ARHGAP10: variants seen among roughly 807,000 people sequenced by gnomAD.
ARHGAP10 encodes rho GTPase-activating protein 10.
Under a neutral mutation model 108.6 loss-of-function variants are expected in ARHGAP10, and 87 were observed. That is an observed-to-expected ratio of 0.80 (90% CI 0.67 to 0.96). ARHGAP10 has a LOEUF of 0.96. ARHGAP10 is among the 40% of genes least tolerant of loss of function. The pLI is 0.00. For synonymous variants in ARHGAP10, 347 were observed against 341.1 expected, an observed-to-expected ratio of 1.02 and a Z score of -0.19; for missense variants, 939 against 954.5, an observed-to-expected ratio of 0.98 and a Z score of 0.21.
At position 147,881,244 on chromosome 4, in the gene ARHGAP10, G is replaced by T. The variant is rs529466670; in HGVS notation, c.940-594G>T. 4.6e-5 allele frequency among the ~76,000 whole-genome samples: 7 copies of T among 151,824 alleles called. No individual in the cohort carries two copies. The East Asian group carries it at 1.4e-3, about 29-fold the overall frequency. ...GCTGAGATTGCACCACTGCACTCCA[G>T]CCTGGGCAACAGAGCAAGACTGTCA... On this transcript the variant is annotated intron_variant, in intron 9 of 22. Transcript: ENST00000336498.
intron 1 of ARHGAP10, among the ~76,000 whole-genome samples, chr4:147,738,022 T>G (rs186595192): frequency 0.012 from 1,812 of 151,738 alleles, 28 homozygotes; most frequent in South Asian, 0.037. Context: ...TGTTGTTGTT[T>G]TTTTTTTTTT....
Position 147,857,649 on chromosome 4 carries a change from C to G in ARHGAP10, c.481C>G (p.Gln161Glu), listed in dbSNP as rs1221272782. ...LSAKKKDSHL[Q>E]EADIQVEQNR... is the part of the protein sequence containing the mutation. ...AGCAAAAAAGAAAGACTCACATTTA[C>G]AAGAGGTATAATTTTTTATTTTTCT... The change falls in exon 5 of 23, where the codon CAA (glutamine) becomes GAA (glutamate). Residue 161 changes from glutamine (Q) to glutamate (E), a missense_variant. Transcript: ENST00000336498. 2 of 1,472,362 alleles carry G rather than the reference C, an allele frequency of 1.4e-6. No homozygotes were observed. 91.2% of individuals were successfully genotyped at this position (1,472,362 alleles called of 1,614,324 possible).
chr4:147,801,434 T>G (rs1473671668), intron 1 of ARHGAP10, among the ~76,000 whole-genome samples: 1 of 152,192 alleles, frequency 6.6e-6, no homozygotes, highest in Non-Finnish European at 1.5e-5. Context: ...ACAAAATAAT[T>G]TATATATCAA....
At chr4:148,027,477 A>G (rs1248383946) in intron 19 of ARHGAP10, among the ~76,000 whole-genome samples, 5 of 152,224 alleles carry the variant, frequency 3.3e-5, no homozygotes, top group African/African-American at 1.2e-4. Context: ...ACAGCGTGGT[A>G]GATACCGTGA....
intron 20 of ARHGAP10, among the ~76,000 whole-genome samples, chr4:148,053,689 C>G (rs892415965): frequency 6.6e-6 from 1 of 152,146 alleles, no homozygotes; most frequent in African/African-American, 2.4e-5. Flanking sequence ...GGGGGTACAA[C>G]TTTTGTCCTG....
intron 1 of ARHGAP10, among the ~76,000 whole-genome samples, chr4:147,783,057 TTA>T (rs1170411292): frequency 7.1e-6 from 1 of 141,310 alleles, no homozygotes; most frequent in Non-Finnish European, 1.5e-5. Context: ...ATATGTTAAA[TTA>T]TATATATTAT....
intron 16 of ARHGAP10, among the ~76,000 whole-genome samples, chr4:147,962,318 A>G (rs1560847460): frequency 6.6e-6 from 1 of 152,224 alleles, no homozygotes; most frequent in African/African-American, 2.4e-5. Flanking sequence ...AAATAATAAT[A>G]GTAACACGAA....
intron 11 of ARHGAP10, among the ~76,000 whole-genome samples, chr4:147,909,060 C>T (rs903254362): frequency 1.3e-5 from 2 of 152,180 alleles, no homozygotes; most frequent in Non-Finnish European, 2.9e-5. Context: ...AAGTCTGGAC[C>T]CTCCCATACT....
intron 1 of ARHGAP10, among the ~76,000 whole-genome samples, chr4:147,754,042 T>C (rs13124167): frequency 0.074 from 11,276 of 152,262 alleles, 523 homozygotes; most frequent in Non-Finnish European, 0.11. Context: ...CAGGTTCCAG[T>C]AAACTCCTGG....
intron 1 of ARHGAP10, among the ~76,000 whole-genome samples, chr4:147,821,443 A>G (rs1349081908): frequency 2.0e-5 from 3 of 152,192 alleles, no homozygotes; most frequent in African/African-American, 7.2e-5. Flanking sequence ...AAGAAATTAA[A>G]ATCCTGTATG....
chr4:147,912,039 G>A (rs113223166), intron 12 of ARHGAP10, among the ~76,000 whole-genome samples: 6,286 of 121,316 alleles, frequency 0.052, 330 homozygotes, highest in East Asian at 0.19. Flanking sequence ...GTGTGTGTGT[G>A]TATAGTTTTC....
chr4:147,765,430 C>T (rs146247967), intron 1 of ARHGAP10, among the ~76,000 whole-genome samples: 10 of 151,238 alleles, frequency 6.6e-5, no homozygotes, highest in African/African-American at 2.2e-4. Context: ...TATTGTGTTA[C>T]GTCTTCTGAT....
At position 147,965,054 on chromosome 4, in the gene ARHGAP10, C is replaced by T. The variant is rs117523998; in HGVS notation, c.1481C>T (p.Ala494Val). 4.9e-4 allele frequency: 791 copies of T among 1,601,388 alleles called. 11 individuals carry two copies. The East Asian group carries it at 0.016, about 31-fold the overall frequency. ...GGCAGCCCAGAATCTCGTGTTAATG[C>T]GATCCATTTCTTGGTACACAAACTG... ...KSGSPESRVN[A>V]IHFLVHKLPE... The change falls in exon 17 of 23, where the codon GCG becomes GTG. Residue 494 changes from alanine (A) to valine (V), a missense_variant. Transcript: ENST00000336498.
At chr4:147,881,454 A>G (rs1049530677) in intron 9 of ARHGAP10, among the ~76,000 whole-genome samples, 2 of 152,206 alleles carry the variant, frequency 1.3e-5, no homozygotes, top group East Asian at 1.9e-4. Context: ...CCTGGCCAAC[A>G]TGGTGAAACC....
chr4:147,953,050 T>C (rs543787672), intron 15 of ARHGAP10, among the ~76,000 whole-genome samples: 1 of 152,160 alleles, frequency 6.6e-6, no homozygotes, highest in African/African-American at 2.4e-5. Flanking sequence ...TACAGTTTTC[T>C]TTTCATTTGG....
At chr4:147,967,456 G>A (rs1234925954) in intron 18 of ARHGAP10, among the ~76,000 whole-genome samples, 1 of 152,206 alleles carries the variant, frequency 6.6e-6, no homozygotes, top group African/African-American at 2.4e-5. Context: ...CATCTGGGGA[G>A]CAGGGAAGGG....
intron 3 of ARHGAP10, among the ~76,000 whole-genome samples, chr4:147,834,605 C>A (rs566953420): frequency 6.6e-6 from 1 of 152,110 alleles, no homozygotes; most frequent in South Asian, 2.1e-4. Flanking sequence ...AGCCTTCTAA[C>A]GGCAGCCTTG....
rs774166818 is a variant in ARHGAP10, at chr4:147,875,136, A to G, written c.818A>G (p.Tyr273Cys). Reference sequence around the variant, plus strand: ...CAGTTTACAGCCGAAGGCTACCTGTATGTCCAGGAAAAAAGTAAGAGGCCC... The same window carrying G: ...CAGTTTACAGCCGAAGGCTACCTGTGTGTCCAGGAAAAAAGTAAGAGGCCC... ...ASQFTAEGYL[Y>C]VQEKRPAPFG... The change falls in exon 8 of 23, where the codon TAT (tyrosine) becomes TGT (cysteine). Residue 273 changes from tyrosine to cysteine, a missense_variant. Tyr to Cys is a radical substitution (Grantham distance 194). Coordinates refer to ENST00000336498, the MANE Select transcript of ARHGAP10 (RefSeq NM_024605.4). 8.2e-6 allele frequency: 13 copies of G among 1,578,174 alleles called. No individual in the cohort carries two copies. Among genetic ancestry groups the G allele is most frequent in the Non-Finnish European group, 1.1e-5 (13 of 1,169,748 alleles).
At chr4:147,819,370 A>G (rs1319576454) in intron 1 of ARHGAP10, among the ~76,000 whole-genome samples, 1 of 152,218 alleles carries the variant, frequency 6.6e-6, no homozygotes, top group Non-Finnish European at 1.5e-5. Context: ...GTAAATGTGC[A>G]CATATAAACA....
Sources: gnomAD v4.1 joint callset for allele counts (sites outside exome capture counted in the v4.1 genomes callset) on GRCh38, gnomAD v4.1.1 for gene constraint, MANE v1.5 for transcripts, NCBI Gene and HGNC (gene_info 2026-07-23, HGNC 2026-07-21) for gene names.